SHANK2: variants seen among roughly 807,000 people sequenced by gnomAD.
SHANK2 encodes the protein SH3 and multiple ankyrin repeat domains protein 2.
SHANK2 carries 43 observed loss-of-function variants against 133.7 expected under a neutral mutation model. The observed-to-expected ratio is 0.32, with a 90% CI of 0.25 to 0.41. SHANK2 has a LOEUF of 0.41. SHANK2 is among the 10% of genes least tolerant of loss of function. The probability of loss-of-function intolerance (pLI) is 1.00; values close to 1 mark genes in which losing one functional copy is unlikely to be tolerated. For missense variants in SHANK2, 1,994 were observed against 2,235.8 expected, an observed-to-expected ratio of 0.89 and a Z score of 2.18; for synonymous variants, 1,017 against 952.8, an observed-to-expected ratio of 1.07 and a Z score of -1.24.
intron 1 of SHANK2, among the ~76,000 whole-genome samples, chr11:71,242,438 G>A (rs1456535126): frequency 1.3e-5 from 2 of 152,168 alleles, no homozygotes; most frequent in African/African-American, 4.8e-5. Flanking sequence ...GAAAAAAAGT[G>A]CTCTCAATTT....
At chr11:70,683,597 T>C (rs1244555645) in intron 15 of SHANK2, among the ~76,000 whole-genome samples, 2 of 152,192 alleles carry the variant, frequency 1.3e-5, no homozygotes, top group African/African-American at 2.4e-5. Context: ...AGTATCAGCA[T>C]GACCACTGTG....
chr11:70,868,444 G>A (rs990613386), intron 11 of SHANK2, among the ~76,000 whole-genome samples: 2 of 152,194 alleles, frequency 1.3e-5, no homozygotes, highest in African/African-American at 4.8e-5. Context: ...TACCACCACT[G>A]CTACTAGCTG....
At chr11:70,613,151 T>G (rs566850693) in intron 17 of SHANK2, among the ~76,000 whole-genome samples, 6 of 152,326 alleles carry the variant, frequency 3.9e-5, no homozygotes, top group Admixed American at 3.3e-4. Context: ...TAGTGGGCAA[T>G]GACTACTGTT....
intron 21 of SHANK2, among the ~76,000 whole-genome samples, chr11:70,499,719 G>T (rs998872765): frequency 5.3e-5 from 8 of 152,200 alleles, no homozygotes; most frequent in Admixed American, 2.0e-4. Context: ...AAGCCCGCTG[G>T]GAGTTTTCTG....
intron 11 of SHANK2, among the ~76,000 whole-genome samples, chr11:70,859,893 G>A (rs987521294): frequency 1.3e-5 from 2 of 152,092 alleles, no homozygotes; most frequent in Non-Finnish European, 1.5e-5. Context: ...TCCAGGGACA[G>A]TCAGAAACCA....
intron 8 of SHANK2, among the ~76,000 whole-genome samples, chr11:71,083,730 C>T (rs902023070): frequency 2.6e-5 from 4 of 152,204 alleles, no homozygotes; most frequent in African/African-American, 9.7e-5. Context: ...GGACCACACC[C>T]CCTGTGGCCA....
At chr11:70,701,501 C>T (rs901658695) in intron 14 of SHANK2, among the ~76,000 whole-genome samples, 24 of 152,176 alleles carry the variant, frequency 1.6e-4, no homozygotes, top group African/African-American at 2.6e-4. Context: ...TTCCAGGTCA[C>T]GCCATTCTCA....
Position 70,486,713 on chromosome 11 carries a change from C to T in SHANK2, c.3580G>A (p.Gly1194Ser), listed in dbSNP as rs782016327. 8.1e-6 allele frequency: 13 copies of T among 1,610,320 alleles called. No homozygotes were observed. The highest frequency in any genetic ancestry group is 2.2e-5 in the East Asian group (1 of 44,868). ...ACATAATTCCCGGGGCCGGCTGTGC[C>T]GCTGCTCGCGGAGGGCACTGCTGGG... ...SSPAVPSASSGTAGPGNYVHP... is the reference protein window; with the variant it reads ...SSPAVPSASSSTAGPGNYVHP... Residue 1194 changes from glycine to serine, a missense_variant, in exon 25 of 26, where the codon GGC (glycine) becomes AGC (serine). By Grantham distance (56) the Gly-to-Ser change is moderately conservative. This residue lies in a region of SHANK2 where 797 missense variants were observed against 907.4 expected (regional missense o/e 0.88). Coordinates refer to ENST00000601538, the MANE Select transcript of SHANK2 (RefSeq NM_012309.5). This position sits in a 1 kb window ranked among gnomAD's most constrained non-coding sequence, Gnocchi z 8.0.
chr11:71,093,924 C>T (rs1951560709), intron 7 of SHANK2, among the ~76,000 whole-genome samples: 1 of 152,076 alleles, frequency 6.6e-6, no homozygotes, highest in Non-Finnish European at 1.5e-5. Flanking sequence ...CCTGGGCGTG[C>T]ACCACCCTGT....
At chr11:70,613,238 C>G (rs2060686801) in intron 17 of SHANK2, among the ~76,000 whole-genome samples, 2 of 151,996 alleles carry the variant, frequency 1.3e-5, no homozygotes, top group Admixed American at 1.3e-4. Flanking sequence ...GAGTCTTGCT[C>G]TGTCGCCCAG....
intron 17 of SHANK2, among the ~76,000 whole-genome samples, chr11:70,645,088 T>A (rs1308773924): frequency 6.6e-6 from 1 of 152,042 alleles, no homozygotes; most frequent in Non-Finnish European, 1.5e-5. Context: ...TGGGCACCTA[T>A]AATCCCAGCT....
intron 14 of SHANK2, among the ~76,000 whole-genome samples, chr11:70,701,682 G>A (rs1314138532): frequency 2.6e-5 from 4 of 152,150 alleles, no homozygotes; most frequent in Non-Finnish European, 5.9e-5. Flanking sequence ...GGGATTACAG[G>A]TGTGAGCCAC....
At chr11:70,627,819 T>A (rs2060924469) in intron 17 of SHANK2, among the ~76,000 whole-genome samples, 1 of 152,256 alleles carries the variant, frequency 6.6e-6, no homozygotes, top group Non-Finnish European at 1.5e-5. Flanking sequence ...TGGAATTTTA[T>A]ACCTGTGGCA....
At chr11:70,875,452 G>A (rs1555071011) in intron 11 of SHANK2, among the ~76,000 whole-genome samples, 1 of 152,096 alleles carries the variant, frequency 6.6e-6, no homozygotes, top group Non-Finnish European at 1.5e-5. Context: ...GTGAACCCGG[G>A]AGTGGAGGTT....
At chr11:70,859,008 G>A (rs537507683) in intron 11 of SHANK2, among the ~76,000 whole-genome samples, 76 of 152,348 alleles carry the variant, frequency 5.0e-4, no homozygotes, top group Middle Eastern at 3.4e-3. Flanking sequence ...CTGGAGCACT[G>A]GTGTTGGGCC....
intron 25 of SHANK2, among the ~76,000 whole-genome samples, chr11:70,482,994 A>G (rs1251193899): frequency 6.6e-6 from 1 of 152,130 alleles, no homozygotes; most frequent in African/African-American, 2.4e-5. Context: ...GTCTCCATGG[A>G]CGGGGTCCCT....
chr11:70,518,024 G>T (rs1554970394), intron 17 of SHANK2, among the ~76,000 whole-genome samples: 1 of 152,160 alleles, frequency 6.6e-6, no homozygotes, highest in Non-Finnish European at 1.5e-5. Flanking sequence ...AAAATATAAA[G>T]TCTACTAATT....
intron 17 of SHANK2, among the ~76,000 whole-genome samples, chr11:70,554,860 A>AT (rs2059809908): frequency 7.0e-6 from 1 of 142,924 alleles, no homozygotes; most frequent in South Asian, 2.2e-4. Context: ...AGAATGTCAT[A>AT]TACAGGCACA....
At chr11:70,931,614 C>T (rs1215236966) in intron 10 of SHANK2, among the ~76,000 whole-genome samples, 1 of 152,216 alleles carries the variant, frequency 6.6e-6, no homozygotes, top group Non-Finnish European at 1.5e-5. Flanking sequence ...CAGGGCCAGC[C>T]CTTCGTAGGT....
Sources: allele counts gnomAD v4.1 joint callset (sites outside exome capture counted in the v4.1 genomes callset), GRCh38; gene constraint gnomAD v4.1.1; regional missense constraint gnomAD v4.1.1; non-coding constraint Gnocchi (gnomAD v3.1); transcripts MANE v1.5; gene names NCBI Gene and HGNC (gene_info 2026-07-23, HGNC 2026-07-21).